Variants in COL17A1 observed in about 807,000 individuals in gnomAD.
The protein encoded by COL17A1 is collagen type XVII alpha 1 chain.
In COL17A1, 181 loss-of-function variants were observed where a neutral mutation model predicts 218.4. That is an observed-to-expected ratio of 0.83 (90% CI 0.73 to 0.94). The LOEUF (loss-of-function observed/expected upper bound fraction) is 0.94. Among genes scored for constraint, COL17A1 ranks in the 40% least tolerant of loss-of-function variants. The pLI, the probability that COL17A1 is intolerant of heterozygous loss-of-function variation, is 0.00. For missense variants in COL17A1, 1,924 were observed against 1,945.9 expected (o/e 0.99, Z 0.21); for synonymous variants, 721 against 731.0 (o/e 0.99, Z 0.22).
chr10:104,064,889 T>G (rs903059587), intron 9 of COL17A1, among the ~76,000 whole-genome samples: 1 of 152,236 alleles, frequency 6.6e-6, no homozygotes, highest in East Asian at 1.9e-4. Context: ...CCCCATCTCC[T>G]GGTGGGCTGT....
chr10:104,068,266 AG>A (rs1350586730), intron 9 of COL17A1, among the ~76,000 whole-genome samples: 5 of 129,228 alleles, frequency 3.9e-5, no homozygotes, highest in Non-Finnish European at 6.6e-5. Context: ...AAAGGAGAGG[AG>A]AATAAAGAGG....
Position 104,062,342 on chromosome 10 carries a change from C to A in COL17A1, c.839-13G>T, listed in dbSNP as rs772963985. ...TGCATGCCAAACACTGTGAAAGCAA[C>A]CAAGGTCAGGTGAGTACAGGGAGCA... On this transcript the variant is annotated splice_polypyrimidine_tract_variant and intron_variant, in intron 11 of 55. Transcript: ENST00000648076. 1 of 1,614,196 alleles carries A rather than the reference C, an allele frequency of 6.2e-7. No homozygotes were observed. Among genetic ancestry groups the A allele is most frequent in the Non-Finnish European group, 8.5e-7 (1 of 1,180,030 alleles).
intron 11 of COL17A1, among the ~76,000 whole-genome samples, chr10:104,062,826 G>A (rs907608548): frequency 2.6e-5 from 4 of 152,088 alleles, no homozygotes; most frequent in African/African-American, 9.7e-5. Flanking sequence ...CTATGGTTTC[G>A]AAGGCTCCTT....
intron 46 of COL17A1, 40 bp from the exon 47 acceptor site, chr10:104,037,153 ACTGAAGCAAC>A: frequency 6.5e-7 from 1 of 1,549,990 alleles, no homozygotes; most frequent in Non-Finnish European, 8.8e-7. Context: ...CTTAGCAGGT[ACTGAAGCAAC>A]ACCCTCACTA....
chr10:104,049,414 G>T lies in COL17A1; in HGVS notation c.2222C>A (p.Ala741Glu), dbSNP rs1447132497. 6.2e-7 allele frequency: 1 copy of T among 1,614,128 alleles called. No individual in the cohort carries two copies. Residue 741 changes from alanine (A) to glutamate (E), a missense_variant, in exon 29 of 56, where the codon GCA becomes GAA. Ala to Glu is a moderately radical substitution (Grantham distance 107). Transcript: ENST00000648076. ...CATTCCTTTGGAACACTTACCCATT[G>T]CTCCTTTAGCCCCGGGCTCACCAAC... ...GAVGEPGAKG[A>E]MGPAGPDGHQ... is the part of the protein sequence containing the mutation.
In COL17A1 at chr10:104,045,552, G is replaced by A. The variant is rs805719; in HGVS notation, c.2398+206C>T. On this transcript the variant is annotated intron_variant, in intron 33 of 55. Coordinates refer to ENST00000648076, the MANE Select transcript of COL17A1 (RefSeq NM_000494.4). ...AAGCAAGGCTCAGGTTTGTGGGGTG[G>A]GGAGGTGTTTGGGGAGGGGTGGGGC... 0.72 allele frequency among the ~76,000 whole-genome samples: 109,201 copies of A among 151,442 alleles called. 40,918 individuals are homozygous for A. Among genetic ancestry groups the A allele is most frequent in the East Asian group, 0.83 (4,245 of 5,084 alleles).
intron 35 of COL17A1, among the ~76,000 whole-genome samples, chr10:104,043,154 G>A (rs999678630): frequency 1.3e-5 from 2 of 152,172 alleles, no homozygotes; most frequent in African/African-American, 2.4e-5. Context: ...CAAGGACTGA[G>A]TCTTCTGATT....
chr10:104,077,768 T>A (rs1190548194), intron 3 of COL17A1, among the ~76,000 whole-genome samples: 1 of 152,192 alleles, frequency 6.6e-6, no homozygotes, highest in Non-Finnish European at 1.5e-5. Context: ...GTATTCCACC[T>A]GATTTAAAAG....
At chr10:104,034,595 T>C (rs1168424262) in intron 51 of COL17A1, 26 bp downstream of exon 51, 1 of 1,605,906 alleles carries the variant, frequency 6.2e-7, no homozygotes. Context: ...GGGTGCCTGG[T>C]GGGGCATCAC....
intron 1 of COL17A1, among the ~76,000 whole-genome samples, 158 bp from the exon 2 acceptor site, chr10:104,080,842 G>A (rs982665416): frequency 2.0e-5 from 3 of 152,146 alleles, no homozygotes; most frequent in Non-Finnish European, 2.9e-5. Flanking sequence ...CCCATTTCTT[G>A]TAACAGGTAT....
chr10:104,074,183 C>A lies in COL17A1; in HGVS notation c.379+1G>T. ...CTTTAGAAAATAAGGAGAGGACATA[C>A]CAAATTCCTTCCGAGGGTACTCCGG... On this transcript the variant is annotated splice_donor_variant, in intron 6 of 55. Transcript: ENST00000648076. LOFTEE classifies it high-confidence loss of function. The A allele has an allele frequency of 6.2e-7, 1 of 1,614,158 alleles. No individual in the cohort carries two copies. The highest frequency in any genetic ancestry group is 8.5e-7 in the Non-Finnish European group (1 of 1,180,014).
intron 43 of COL17A1, 128 bp from the exon 44 acceptor site, chr10:104,039,249 A>G: frequency 9.5e-7 from 1 of 1,048,562 alleles, no homozygotes; most frequent in Non-Finnish European, 1.5e-6. Context: ...TTGTAATAAT[A>G]CCACAGCTCC....
Position 104,061,441 on chromosome 10 carries a change from G to A in COL17A1, c.943C>T (p.Pro315Ser), listed in dbSNP as rs2086582021. Reference protein sequence around the residue: ...YGVKKNMPQSPAAVNTGVSTS... With the variant: ...YGVKKNMPQSSAAVNTGVSTS... The stretch of plus-strand genomic sequence containing the variant: ...GAAACGCCAGTGTTCACAGCCGCAG[G>A]ACTCTGGGGCATGTTTTTCTTCACC... Residue 315 changes from proline to serine, a missense_variant, in exon 13 of 56, where the codon CCT becomes TCT. Transcript: ENST00000648076. 3 of 1,613,680 alleles carry A rather than the reference G, an allele frequency of 1.9e-6. No individual in the cohort carries two copies.
chr10:104,035,120 G>T, intron 50 of COL17A1, 143 bp downstream of exon 50: 1 of 777,514 alleles, frequency 1.3e-6, no homozygotes, highest in Non-Finnish European at 2.2e-6. Flanking sequence ...CCCCTTGCCA[G>T]CACATGTGGC....
At chr10:104,061,016 A>T (rs2086577518) in intron 13 of COL17A1, among the ~76,000 whole-genome samples, 1 of 152,228 alleles carries the variant, frequency 6.6e-6, no homozygotes, top group Admixed American at 6.5e-5. Flanking sequence ...AAATATGTGG[A>T]CAAAGTTGAT....
rs2086355331 is a variant in COL17A1, at chr10:104,041,123, G to A, written c.2648-5C>T. On this transcript the variant is annotated splice_region_variant and splice_polypyrimidine_tract_variant and intron_variant, in intron 38 of 55. Transcript: ENST00000648076. ...GTGGGCCTGGCAAACCCTCCCCTAG[G>A]AAAGAGAACCCCCAAGACTTATTAG... 2 of 1,606,456 alleles carry A rather than the reference G, an allele frequency of 1.2e-6. No individual in the cohort carries two copies. The highest frequency in any genetic ancestry group is 8.5e-7 in the Non-Finnish European group (1 of 1,176,846).
At chr10:104,083,545 G>A (rs1456141114) in intron 1 of COL17A1, among the ~76,000 whole-genome samples, 2 of 152,040 alleles carry the variant, frequency 1.3e-5, no homozygotes, top group African/African-American at 4.8e-5. Context: ...ACTTTTCTAG[G>A]CAAGAAGACA....
intron 29 of COL17A1, among the ~76,000 whole-genome samples, chr10:104,048,889 C>T (rs941858920): frequency 6.6e-6 from 1 of 151,140 alleles, no homozygotes; most frequent in Non-Finnish European, 1.5e-5. Flanking sequence ...CAGACTGTAG[C>T]GCAGTGGTGT....
intron 25 of COL17A1, among the ~76,000 whole-genome samples, chr10:104,051,252 A>G (rs951582344): frequency 5.3e-5 from 8 of 152,196 alleles, no homozygotes; most frequent in Non-Finnish European, 1.5e-5. Context: ...CCATTGCTGA[A>G]GCTGCTGGAG....
Sources: gnomAD v4.1 joint callset for allele counts (sites outside exome capture counted in the v4.1 genomes callset) on GRCh38, gnomAD v4.1.1 for gene constraint, MANE v1.5 for transcripts, NCBI Gene and HGNC (gene_info 2026-07-23, HGNC 2026-07-21) for gene names.